Variants in UGT1A4 observed in about 807,000 individuals in gnomAD.
UGT1A4 encodes the protein UDP-glucuronosyltransferase 1A4.
UGT1A4 carries 32 observed loss-of-function variants against 41.1 expected under a neutral mutation model. The ratio of observed to expected loss-of-function variants is 0.78; its 90% CI spans 0.59 to 1.05. UGT1A4 has a LOEUF of 1.05. UGT1A4 is among the 50% of genes least tolerant of loss of function. The probability of loss-of-function intolerance (pLI) is 0.00; values close to 1 mark genes in which losing one functional copy is unlikely to be tolerated. For missense variants in UGT1A4, 748 were observed against 677.4 expected (o/e 1.10, Z -1.16); for synonymous variants, 283 against 265.1 (o/e 1.07, Z -0.66).
chr2:233,737,897 T>G (rs1404906155), intron 1 of UGT1A4, among the ~76,000 whole-genome samples: 4 of 152,000 alleles, frequency 2.6e-5, no homozygotes, highest in African/African-American at 9.7e-5. Flanking sequence ...AATTTTCGAG[T>G]GTGGTAAAGA....
intron 1 of UGT1A4, among the ~76,000 whole-genome samples, chr2:233,749,749 G>C (rs1286332209): frequency 2.0e-5 from 3 of 151,910 alleles, no homozygotes; most frequent in Non-Finnish European, 2.9e-5. Context: ...ATCATAGTGA[G>C]TGAGTTCTTA....
At chr2:233,722,847 T>TATGAAGACACTACTTAAAAAA (rs1484611213) in intron 1 of UGT1A4, among the ~76,000 whole-genome samples, 1 of 139,226 alleles carries the variant, frequency 7.2e-6, no homozygotes, top group Non-Finnish European at 1.5e-5. Context: ...GAATGTTTCT[T>TATGAAGACACTACTTAAAAAA]TTTTTTTTTT....
chr2:233,768,179 A>G, intron 3 of UGT1A4, 41 bp from the exon 4 acceptor site: 1 of 1,613,948 alleles, frequency 6.2e-7, no homozygotes, highest in East Asian at 2.2e-5. Context: ...TGTGAAACTC[A>G]GAGATGTAAC....
Position 233,722,378 on chromosome 2 carries a change from G to A in UGT1A4, c.867+2691G>A, listed in dbSNP as rs140434446. Among the ~76,000 whole-genome samples, 1,163 of 152,214 alleles carry A rather than the reference G, an allele frequency of 7.6e-3. 5 individuals are homozygous for A. The highest frequency in any genetic ancestry group is 8.8e-3 in the Non-Finnish European group (598 of 68,014). On this transcript the variant is annotated intron_variant, in intron 1 of 4. Coordinates refer to ENST00000373409, the MANE Select transcript of UGT1A4 (RefSeq NM_007120.3). ...TACAAGACTAAAGTTGAAATCTTACGTTTCTTCTCCCTCTCTTTCTCCTTG... is the reference window on the plus strand; with the variant it reads ...TACAAGACTAAAGTTGAAATCTTACATTTCTTCTCCCTCTCTTTCTCCTTG...
At chr2:233,719,976 C>T (rs771566532) in intron 1 of UGT1A4, among the ~76,000 whole-genome samples, 2 of 152,122 alleles carry the variant, frequency 1.3e-5, no homozygotes, top group African/African-American at 2.4e-5. Flanking sequence ...TCCTTCAGCT[C>T]GGCAGGATCA....
rs1191731023 is a variant in UGT1A4, at chr2:233,773,247, T to C, written c.*688T>C. ...ATGAAGTGCTGGGCAAGTTTACTTTTTTTCTGATGTTTCCTACAACTAAAA... is the reference window on the plus strand; with the variant it reads ...ATGAAGTGCTGGGCAAGTTTACTTTCTTTCTGATGTTTCCTACAACTAAAA... On this transcript the variant is annotated 3_prime_UTR_variant, in exon 5 of 5. Coordinates refer to ENST00000373409, the MANE Select transcript of UGT1A4 (RefSeq NM_007120.3). The C allele has an allele frequency of 6.6e-6, 1 of 152,354 alleles. No homozygotes were observed. Among genetic ancestry groups the C allele is most frequent in the Admixed American group, 6.5e-5 (1 of 15,284 alleles). 9.4% of individuals were successfully genotyped at this position (152,354 alleles called of 1,614,324 possible).
chr2:233,750,221 T>C (rs1694392480), intron 1 of UGT1A4, among the ~76,000 whole-genome samples: 1 of 151,858 alleles, frequency 6.6e-6, no homozygotes, highest in Non-Finnish European at 1.5e-5. Context: ...CAGATGGAGA[T>C]GAGGAACTTA....
intron 1 of UGT1A4, among the ~76,000 whole-genome samples, chr2:233,762,430 C>G (rs796065862): frequency 1.7e-4 from 26 of 152,296 alleles, no homozygotes; most frequent in African/African-American, 6.3e-4. Context: ...AATAGAGTAA[C>G]AGTGTATTCC....
rs528683999 is a variant in UGT1A4 at position 233,722,200 on chromosome 2, G to A, written c.867+2513G>A. 2 of 154,324 alleles carry A rather than the reference G, an allele frequency of 1.3e-5. 1 individual carries two copies. Among genetic ancestry groups the A allele is most frequent in the African/African-American group, 4.8e-5 (2 of 41,610 alleles). The allele number at this position is 154,324 out of a possible 1,614,324, so 9.6% of individuals were successfully genotyped here. A position where few individuals can be genotyped will look rare whatever the true frequency, so the allele number is the denominator to read the frequency against. ...CCATGTTCGTGCCAATTTACTGAGT[G>A]CATGAAAGATCATTTACACCAAAAT... On this transcript the variant is annotated intron_variant, in intron 1 of 4. Coordinates refer to ENST00000373409, the MANE Select transcript of UGT1A4 (RefSeq NM_007120.3).
At position 233,769,005 on chromosome 2, in the gene UGT1A4, C is replaced by G. The variant is rs929159668; in HGVS notation, c.1307+566C>G. 2.0e-5 allele frequency among the ~76,000 whole-genome samples: 3 copies of G among 152,020 alleles called. No individual in the cohort carries two copies. Among genetic ancestry groups the G allele is most frequent in the South Asian group, 4.2e-4 (2 of 4,812 alleles). ...TATTTCCCCCATTAGATTTAAAACT[C>G]CAATTTACATAAAAAGTTGCCATAA... On this transcript the variant is annotated intron_variant, in intron 4 of 4. Transcript: ENST00000373409. This position sits in a 1 kb window ranked among gnomAD's most constrained non-coding sequence, Gnocchi z 4.4.
At chr2:233,759,853 T>C (rs938114684) in intron 1 of UGT1A4, among the ~76,000 whole-genome samples, 15 of 152,176 alleles carry the variant, frequency 9.9e-5, no homozygotes, top group African/African-American at 3.6e-4. Context: ...CAGGTTTCCA[T>C]GGCGAAAGCG....
At chr2:233,731,654 T>C (rs1402359717) in intron 1 of UGT1A4, among the ~76,000 whole-genome samples, 1 of 152,254 alleles carries the variant, frequency 6.6e-6, no homozygotes. Context: ...ATGGTGTATA[T>C]GTGCCACATT....
At chr2:233,742,142 G>A (rs868040003) in intron 1 of UGT1A4, among the ~76,000 whole-genome samples, 9 of 151,998 alleles carry the variant, frequency 5.9e-5, no homozygotes, top group South Asian at 2.1e-4. Flanking sequence ...ACCCAGCAGC[G>A]CTAGACGAAT....
intron 1 of UGT1A4, among the ~76,000 whole-genome samples, chr2:233,749,562 T>G (rs541768746): frequency 6.6e-6 from 1 of 151,876 alleles, no homozygotes; most frequent in African/African-American, 2.4e-5. Flanking sequence ...ATGTATTCAA[T>G]AGTGAGGCCA....
At chr2:233,742,372 A>C (rs1691957505) in intron 1 of UGT1A4, among the ~76,000 whole-genome samples, 1 of 152,034 alleles carries the variant, frequency 6.6e-6, no homozygotes, top group South Asian at 2.1e-4. Context: ...ACATGTCCTT[A>C]AGGCACAGAT....
intron 1 of UGT1A4, among the ~76,000 whole-genome samples, chr2:233,752,746 AAAACAAAC>A (rs200752387): frequency 7.9e-5 from 12 of 152,308 alleles, no homozygotes; most frequent in East Asian, 1.9e-4. Context: ...CCCTGTCTCT[AAAACAAAC>A]AAACAAACAA....
rs1224727482 is a variant in UGT1A4, at chr2:233,769,496, T to C, written c.1307+1057T>C. 1 of 1,612,570 alleles carries C rather than the reference T, an allele frequency of 6.2e-7. No homozygotes were observed. The highest frequency in any genetic ancestry group is 8.5e-7 in the Non-Finnish European group (1 of 1,179,780). Reference sequence around the variant, plus strand: ...GTGTGTGTGCGTGTGTTTATGAGAGTGTCCATTGCTTTCTCCCATGGTTAC... The same window carrying C: ...GTGTGTGTGCGTGTGTTTATGAGAGCGTCCATTGCTTTCTCCCATGGTTAC... On this transcript the variant is annotated intron_variant, in intron 4 of 4. Coordinates refer to ENST00000373409, the MANE Select transcript of UGT1A4 (RefSeq NM_007120.3). The surrounding 1 kb of genome is among the most constrained non-coding windows in gnomAD (Gnocchi z 4.4).
At chr2:233,745,475 T>C (rs1213140846) in intron 1 of UGT1A4, among the ~76,000 whole-genome samples, 1 of 151,692 alleles carries the variant, frequency 6.6e-6, no homozygotes, top group African/African-American at 2.4e-5. Context: ...GGAAAATGAT[T>C]AACCAAAGAA....
At chr2:233,725,000 C>T (rs545326443) in intron 1 of UGT1A4, among the ~76,000 whole-genome samples, 7 of 147,222 alleles carry the variant, frequency 4.8e-5, no homozygotes, top group Admixed American at 1.4e-4. Context: ...GGCTGGAGAC[C>T]GGCCCGGCCA....
Sources: gnomAD v4.1 joint callset for allele counts (sites outside exome capture counted in the v4.1 genomes callset) on GRCh38, gnomAD v4.1.1 for gene constraint, Gnocchi (gnomAD v3.1) non-coding constraint, MANE v1.5 for transcripts, NCBI Gene and HGNC (gene_info 2026-07-23, HGNC 2026-07-21) for gene names.